The following ABLIM3 variants were observed in gnomAD, a reference collection of about 807,000 sequenced individuals.
ABLIM3 encodes the protein actin-binding LIM protein 3.
Under a neutral mutation model 109.5 loss-of-function variants are expected in ABLIM3, and 61 were observed. That is an observed-to-expected ratio of 0.56 (90% confidence interval 0.45 to 0.69). ABLIM3 has a LOEUF of 0.69. Among genes scored for constraint, ABLIM3 ranks in the 30% least tolerant of loss-of-function variants. The probability of loss-of-function intolerance (pLI) is 0.00; values close to 1 mark genes in which losing one functional copy is unlikely to be tolerated. For missense variants in ABLIM3, 796 were observed against 889.5 expected (o/e 0.89, Z 1.34); for synonymous variants, 300 against 324.8 (o/e 0.92, Z 0.82).
intron 2 of ABLIM3, among the ~76,000 whole-genome samples, chr5:149,154,923 AT>A (rs1278519646): frequency 2.0e-5 from 3 of 152,228 alleles, no homozygotes; most frequent in African/African-American, 2.4e-5. Context: ...CATTGTTCTC[AT>A]TTTACAAAGA....
chr5:149,143,759 AG>A (rs761534011), intron 2 of ABLIM3, among the ~76,000 whole-genome samples: 4 of 152,184 alleles, frequency 2.6e-5, no homozygotes, highest in Non-Finnish European at 5.9e-5. Flanking sequence ...TACCAGGCTC[AG>A]GAAAAGAGGA....
chr5:149,215,641 C>T lies in ABLIM3; in HGVS notation c.670-1318C>T, dbSNP rs112781540. On this transcript the variant is annotated intron_variant, in intron 7 of 23. Coordinates refer to ENST00000309868, the MANE Select transcript of ABLIM3 (RefSeq NM_014945.5). ...ATCAAGTGATGGCTTGGACAGGGAC[C>T]TTTAAGAACCCCTAACATCCATCAG... is the stretch of plus-strand genomic sequence containing the variant. Among the ~76,000 whole-genome samples the T allele has an allele frequency of 5.0e-3, 760 of 152,258 alleles. 5 individuals are homozygous for T. Among genetic ancestry groups the T allele is most frequent in the African/African-American group, 0.017 (723 of 41,550 alleles).
In ABLIM3 at chr5:149,165,479, T is replaced by A. The variant is rs181614440; in HGVS notation, c.14-17973T>A. 6.0e-4 allele frequency among the ~76,000 whole-genome samples: 91 copies of A among 152,352 alleles called. 1 individual carries two copies. Among genetic ancestry groups the A allele is most frequent in the South Asian group, 2.3e-3 (11 of 4,824 alleles). On this transcript the variant is annotated intron_variant, in intron 2 of 23. Coordinates refer to ENST00000309868, the MANE Select transcript of ABLIM3 (RefSeq NM_014945.5). Reference sequence around the variant, plus strand: ...TAGTGCAAACCTTTAATCTCCTCTTTAAGACTTTGTATTAGTAAGAACTCT... The same window carrying A: ...TAGTGCAAACCTTTAATCTCCTCTTAAAGACTTTGTATTAGTAAGAACTCT...
intron 11 of ABLIM3, among the ~76,000 whole-genome samples, chr5:149,239,031 C>G (rs1401677288): frequency 1.3e-5 from 2 of 152,184 alleles, no homozygotes; most frequent in Non-Finnish European, 2.9e-5. Flanking sequence ...TGGTTTTTCC[C>G]TTCCTAAAAG....
intron 2 of ABLIM3, among the ~76,000 whole-genome samples, chr5:149,163,717 T>C (rs1754586056): frequency 6.6e-6 from 1 of 152,188 alleles, no homozygotes; most frequent in Admixed American, 6.5e-5. Context: ...AAAGTCATAT[T>C]CTGAGGTACT....
chr5:149,254,759 C>T (rs1167433886), intron 23 of ABLIM3, among the ~76,000 whole-genome samples: 2 of 152,204 alleles, frequency 1.3e-5, no homozygotes, highest in Non-Finnish European at 2.9e-5. Context: ...CCCAGGGCAG[C>T]TCAGTGAAGC....
At chr5:149,145,699 A>G (rs560550170) in intron 2 of ABLIM3, among the ~76,000 whole-genome samples, 6 of 151,778 alleles carry the variant, frequency 4.0e-5, no homozygotes, top group Middle Eastern at 3.4e-3. Flanking sequence ...CTGGTGTGAG[A>G]TGGTATCTCA....
At chr5:149,227,591 A>C (rs1334691987) in intron 8 of ABLIM3, among the ~76,000 whole-genome samples, 1 of 152,188 alleles carries the variant, frequency 6.6e-6, no homozygotes, top group East Asian at 1.9e-4. Context: ...TTGTTAAATC[A>C]CAGATTCCCA....
intron 1 of ABLIM3, 117 bp downstream of exon 1, chr5:149,141,771 C>A: frequency 2.4e-6 from 1 of 413,724 alleles, no homozygotes; most frequent in Non-Finnish European, 4.4e-6. Flanking sequence ...CAGGAATAGT[C>A]CGGGGTGCGC....
intron 15 of ABLIM3, 172 bp from the exon 16 acceptor site, chr5:149,244,709 G>C: frequency 1.3e-6 from 1 of 761,880 alleles, no homozygotes; most frequent in South Asian, 1.8e-5. Flanking sequence ...TGAGGGTTTG[G>C]CCCCAGTGCT....
chr5:149,169,565 C>T (rs116145425), intron 2 of ABLIM3, among the ~76,000 whole-genome samples: 2,821 of 152,294 alleles, frequency 0.019, 39 homozygotes, highest in Non-Finnish European at 0.027. Context: ...AAGATTCCCT[C>T]CCCAAGTCAG....
At chr5:149,240,404 A>G (rs1368303787) in intron 13 of ABLIM3, 2 of 517,574 alleles carry the variant, frequency 3.9e-6, no homozygotes, top group Non-Finnish European at 7.0e-6. Flanking sequence ...TCAAACTAAC[A>G]TGCCTTCCTG....
chr5:149,258,035 C>T (rs1384167219), intron 23 of ABLIM3, among the ~76,000 whole-genome samples: 1 of 152,206 alleles, frequency 6.6e-6, no homozygotes, highest in Middle Eastern at 3.2e-3. Context: ...GCGGAAGTCC[C>T]ACTTGAGTCA....
At position 149,187,805 on chromosome 5, in the gene ABLIM3, G is replaced by A. The variant is rs538067997; in HGVS notation, c.151+4216G>A. Among the ~76,000 whole-genome samples, 369 of 152,028 alleles carry A rather than the reference G, an allele frequency of 2.4e-3. 2 individuals are homozygous for A. The highest frequency in any genetic ancestry group is 8.6e-3 in the African/African-American group (357 of 41,448). On this transcript the variant is annotated intron_variant, in intron 3 of 23. Transcript: ENST00000309868. The stretch of plus-strand genomic sequence containing the variant: ...TGCTACCTGCTCTGCCCTGACTCCC[G>A]CCAAAGCACTCACCCCGTCATTCTC...
chr5:149,247,518 A>G, intron 17 of ABLIM3: 1 of 640,502 alleles, frequency 1.6e-6, no homozygotes, highest in Non-Finnish European at 2.9e-6. Context: ...TCACTGTGCC[A>G]AGACAATGGG....
chr5:149,206,855 C>T (rs1472236570), intron 5 of ABLIM3, among the ~76,000 whole-genome samples, 153 bp from the exon 6 acceptor site: 1 of 140,426 alleles, frequency 7.1e-6, no homozygotes, highest in Admixed American at 7.3e-5. Context: ...TTTTTCTCTC[C>T]CCTGGGAGAG....
At chr5:149,155,457 T>C (rs1475285967) in intron 2 of ABLIM3, among the ~76,000 whole-genome samples, 1 of 152,144 alleles carries the variant, frequency 6.6e-6, no homozygotes, top group African/African-American at 2.4e-5. Flanking sequence ...TGATGTGAGA[T>C]AAACCATGGC....
chr5:149,160,461 CAAA>C (rs35479445), intron 2 of ABLIM3, among the ~76,000 whole-genome samples: 14 of 130,196 alleles, frequency 1.1e-4, no homozygotes, highest in Admixed American at 3.0e-4. Flanking sequence ...GACTCCGTCT[CAAA>C]AAAAAAAAAA....
chr5:149,252,099 A>T lies in ABLIM3; in HGVS notation c.1850-102A>T. ...GATGGTCAAGAGAAGGAGACAATAG[A>T]GGCCAGACCCCCTGAGAGAGTAGGA... On this transcript the variant is annotated intron_variant, in intron 21 of 23. Transcript: ENST00000309868. 2.2e-6 allele frequency: 3 copies of T among 1,356,396 alleles called. No individual in the cohort carries two copies. The South Asian group carries it at 4.0e-5, about 18-fold the overall frequency. 84.0% of individuals were successfully genotyped at this position (1,356,396 alleles called of 1,614,324 possible).
Sources: gnomAD v4.1 joint callset for allele counts (sites outside exome capture counted in the v4.1 genomes callset) on GRCh38, gnomAD v4.1.1 for gene constraint, MANE v1.5 for transcripts, NCBI Gene and HGNC (gene_info 2026-07-23, HGNC 2026-07-21) for gene names.